C3: variants seen among roughly 807,000 people sequenced by gnomAD.
C3 encodes C3 and PZP-like alpha-2-macroglobulin domain-containing protein 1.
C3 carries 97 observed loss-of-function variants against 207.9 expected under a neutral mutation model. The observed-to-expected ratio is 0.47, with a 90% confidence interval of 0.40 to 0.55. The LOEUF is 0.55. C3 is among the 20% of genes least tolerant of loss of function. C3 has a pLI of 0.00. For synonymous variants in C3, 848 were observed against 857.6 expected, an observed-to-expected ratio of 0.99 and a Z score of 0.20; for missense variants, 1,684 against 2,171.7, an observed-to-expected ratio of 0.78 and a Z score of 4.46.
In C3 at chr19:6,719,431, T is replaced by C. The variant is rs749480633; in HGVS notation, c.75-28A>G. The C allele has an allele frequency of 6.2e-7, 1 of 1,605,130 alleles. No homozygotes were observed. Among genetic ancestry groups the C allele is most frequent in the East Asian group, 2.2e-5 (1 of 44,810 alleles). On this transcript the variant is annotated intron_variant, in intron 1 of 40. Transcript: ENST00000245907. This position sits in a 1 kb window ranked among gnomAD's most constrained non-coding sequence, Gnocchi z 5.4. ...GTCGGAGTGGGGCACGGGAGTGGGC[T>C]TGTCATTCCACGGATGTGAGACGCC...
chr19:6,713,678 C>A, intron 7 of C3, 169 bp from the exon 8 acceptor site: 1 of 525,940 alleles, frequency 1.9e-6, no homozygotes, highest in Non-Finnish European at 3.4e-6. Flanking sequence ...CCCACCTTGC[C>A]CCACTCCCAC....
intron 14 of C3, 82 bp from the exon 15 acceptor site, chr19:6,708,011 T>C (rs1340155728): frequency 6.5e-7 from 1 of 1,537,278 alleles, no homozygotes; most frequent in Admixed American, 1.7e-5. Flanking sequence ...TGTGTATCTC[T>C]TCCCAAATGA....
chr19:6,678,424 C>T lies in C3; in HGVS notation c.4662G>A (p.Leu1554=), dbSNP rs752668279. 9.9e-6 allele frequency: 16 copies of T among 1,614,036 alleles called. No homozygotes were observed. Among genetic ancestry groups the T allele is most frequent in the Non-Finnish European group, 1.4e-5 (16 of 1,180,036 alleles). Residue 1554 remains leucine, a synonymous_variant, in exon 39 of 41, where the codon CTG becomes CTA. Transcript: ENST00000245907. Reference sequence around the variant, plus strand: ...TGATGTACTCGTCAAAGTCATTGGACAGCTGAACCTTGACCAGTCGGGTCT... The same window carrying T: ...TGATGTACTCGTCAAAGTCATTGGATAGCTGAACCTTGACCAGTCGGGTCT... The part of the protein sequence containing the change: ...VYKTRLVKVQ[L]SNDFDEYIMA...
chr19:6,689,334 TCCCTCCCTCCCTCCCTCC>T (rs1918100693), intron 27 of C3, among the ~76,000 whole-genome samples: 33 of 37,734 alleles, frequency 8.7e-4, no homozygotes, highest in African/African-American at 4.3e-3. Flanking sequence ...CCTACCTCCC[TCCCTCCCTCCCTCCCTCC>T]CTCCCTCCCT....
At chr19:6,693,550 A>C in intron 24 of C3, 63 bp from the exon 25 acceptor site, 12 of 1,370,532 alleles carry the variant, frequency 8.8e-6, no homozygotes, top group Non-Finnish European at 1.1e-5. Flanking sequence ...CACGCCAGAA[A>C]GGGCAGGGGC....
intron 28 of C3, 189 bp from the exon 29 acceptor site, chr19:6,686,476 G>T (rs1918012705): frequency 1.4e-6 from 1 of 719,208 alleles, no homozygotes; most frequent in Non-Finnish European, 2.4e-6. Context: ...TTCTCCCTTT[G>T]AAATGAATGC....
chr19:6,720,036 G>A (rs750057198), intron 1 of C3, among the ~76,000 whole-genome samples: 4 of 152,044 alleles, frequency 2.6e-5, no homozygotes, highest in Non-Finnish European at 4.4e-5. Context: ...CCCAAATCTT[G>A]TAAAGTCCAA....
At position 6,707,176 on chromosome 19, in the gene C3, G is replaced by A. The variant is rs1276594867; in HGVS notation, c.2145C>T (p.Ser715=). The change falls in exon 17 of 41, where the codon TCC becomes TCT. Residue 715 remains serine (S), a synonymous_variant. Transcript: ENST00000245907. ...AGACCTTCTTGCACGCCTCGCCCAGGGAGATGAAACGGGTCCGGCGCTGGC... is the reference window on the plus strand; with the variant it reads ...AGACCTTCTTGCACGCCTCGCCCAGAGAGATGAAACGGGTCCGGCGCTGGC... ...FSCQRRTRFI[S]LGEACKKVFL... is the part of the protein sequence containing the mutation. 2.5e-6 allele frequency: 4 copies of A among 1,613,710 alleles called. No homozygotes were observed. The African/African-American group carries it at 4.0e-5, about 16-fold the overall frequency.
Position 6,718,056 on chromosome 19 carries a change from G to A in C3, c.504+38C>T, listed in dbSNP as rs755232107. ...CGATCTCTTTGCCTCTCCTAAGCCT[G>A]TGCCCCTGCTTCCCCTGGGGCCCCC... is the stretch of plus-strand genomic sequence containing the variant. On this transcript the variant is annotated intron_variant, in intron 4 of 40. Transcript: ENST00000245907. 3 of 1,589,694 alleles carry A rather than the reference G, an allele frequency of 1.9e-6. No homozygotes were observed. In the African/African-American group the frequency reaches 4.0e-5, roughly 21 times the overall value.
At chr19:6,689,348 C>CTACCTACCTACCTACCT (rs1918105433) in intron 27 of C3, among the ~76,000 whole-genome samples, 2 of 58,762 alleles carry the variant, frequency 3.4e-5, no homozygotes, top group African/African-American at 1.9e-4. Context: ...TCCCTCCCTC[C>CTACCTACCTACCTACCT]CTCCCTCCCT....
intron 26 of C3, among the ~76,000 whole-genome samples, chr19:6,692,673 A>G (rs1212521474): frequency 2.0e-5 from 3 of 152,184 alleles, no homozygotes; most frequent in African/African-American, 7.2e-5. Flanking sequence ...ACTTGGTTTA[A>G]TGAAATTCTT....
Position 6,679,188 on chromosome 19 carries a change from A to G in C3, c.4567T>C (p.Ser1523Pro), listed in dbSNP as rs750229972. 2 of 1,614,090 alleles carry G rather than the reference A, an allele frequency of 1.2e-6. No homozygotes were observed. The highest frequency in any genetic ancestry group is 1.7e-5 in the Admixed American group (1 of 60,012). ...TCTTCCAGGGTGACCTTGTCATCCG[A>G]CTTTTGTATGAAGCAATTCTCTGCA... ...CAEENCFIQK[S>P]DDKVTLEERL... Residue 1523 changes from serine (S) to proline (P), a missense_variant, in exon 38 of 41, where the codon TCG becomes CCG. Physicochemically the swap from Ser to Pro is moderately conservative, Grantham distance 74. Transcript: ENST00000245907.
rs767268393 is a variant in C3, at chr19:6,714,354, G to A, written c.597C>T (p.Val199=). The A allele has an allele frequency of 1.2e-6, 2 of 1,613,490 alleles. No homozygotes were observed. The highest frequency in any genetic ancestry group is 1.7e-6 in the Non-Finnish European group (2 of 1,179,698). The change falls in exon 5 of 41, where the codon GTC becomes GTT. Residue 199 remains valine (V), a splice_region_variant and synonymous_variant. Transcript: ENST00000245907. ...LPLSWDIPEL[V]NMGQWKIRAY... ...CCCTCCTCAAGAACCTGACATACTT[G>A]ACGAGTTCCGGAATGTCCCAAGACA...
At chr19:6,703,903 G>A (rs1464669669) in intron 17 of C3, among the ~76,000 whole-genome samples, 2 of 151,600 alleles carry the variant, frequency 1.3e-5, no homozygotes, top group Non-Finnish European at 2.9e-5. Context: ...AGCCGAGACT[G>A]CGCAACTGCA....
intron 1 of C3, among the ~76,000 whole-genome samples, chr19:6,720,127 T>C (rs1397771887): frequency 6.6e-6 from 1 of 152,128 alleles, no homozygotes; most frequent in African/African-American, 2.4e-5. Context: ...ACCTCAATTC[T>C]AGAAACATCC....
chr19:6,709,543 A>T, intron 14 of C3, 141 bp downstream of exon 14: 1 of 961,206 alleles, frequency 1.0e-6, no homozygotes, highest in Non-Finnish European at 1.7e-6. Context: ...AGCTTCAACC[A>T]TCCCTGTGTC....
intron 17 of C3, among the ~76,000 whole-genome samples, chr19:6,703,881 G>T (rs1967721185): frequency 6.6e-6 from 1 of 152,118 alleles, no homozygotes; most frequent in South Asian, 2.1e-4. Flanking sequence ...CCAGGAGGCG[G>T]AGGTTACAGT....
chr19:6,712,700 A>T (rs182977356), intron 9 of C3, 77 bp from the exon 10 acceptor site: 2 of 1,186,680 alleles, frequency 1.7e-6, no homozygotes, highest in Non-Finnish European at 2.5e-6. Context: ...ATGGACCCCA[A>T]CTTCAGACTA....
intron 35 of C3, 62 bp from the exon 36 acceptor site, chr19:6,680,325 G>T: frequency 1.1e-6 from 1 of 872,136 alleles, no homozygotes; most frequent in Non-Finnish European, 2.0e-6. Context: ...GCATTGTCTT[G>T]GGAGCTGAGG....
Sources: gnomAD v4.1 joint callset for allele counts (sites outside exome capture counted in the v4.1 genomes callset) on GRCh38, gnomAD v4.1.1 for gene constraint, Gnocchi (gnomAD v3.1) non-coding constraint, MANE v1.5 for transcripts, NCBI Gene and HGNC (gene_info 2026-07-23, HGNC 2026-07-21) for gene names.